ALG12: variants seen among roughly 807,000 people sequenced by gnomAD.
ALG12 encodes dol-P-Man:Man(7)GlcNAc(2)-PP-Dol alpha-1,6-mannosyltransferase.
A neutral mutation model predicts 46.0 loss-of-function variants in ALG12; 36 were observed. That is an observed-to-expected ratio of 0.78 (90% CI 0.60 to 1.03). The LOEUF (loss-of-function observed/expected upper bound fraction) is 1.03. Ranked by LOEUF, ALG12 falls within the 50% of genes least tolerant of loss-of-function variation. The pLI is 0.00. For missense variants in ALG12, 599 were observed against 633.5 expected (o/e 0.95, Z 0.58); for synonymous variants, 326 against 291.6 (o/e 1.12, Z -1.20).
At chr22:49,915,053 G>C (rs897319295) in intron 1 of ALG12, among the ~76,000 whole-genome samples, 1 of 152,248 alleles carries the variant, frequency 6.6e-6, no homozygotes, top group East Asian at 1.9e-4. Flanking sequence ...ATCAAACGGA[G>C]AGTTAAGAAG....
At chr22:49,909,223 T>C in intron 6 of ALG12, 21 bp downstream of exon 6, 1 of 1,612,960 alleles carries the variant, frequency 6.2e-7, no homozygotes, top group South Asian at 1.1e-5. Context: ...ATCGCCCTCC[T>C]GCACGGACAC....
the ALG12 span, among the ~76,000 whole-genome samples, chr22:49,891,249 G>C: frequency 6.6e-6 from 1 of 152,190 alleles, no homozygotes; most frequent in East Asian, 1.9e-4. Flanking sequence ...TCAAGGAAAT[G>C]CTTCAGGGTC....
chr22:49,909,377 G>A (rs370632311), intron 5 of ALG12, 30 bp from the exon 6 acceptor site: 19 of 1,599,278 alleles, frequency 1.2e-5, no homozygotes, highest in Middle Eastern at 1.7e-4. Flanking sequence ...TTTCTTAGTC[G>A]CAAACACAGC....
the ALG12 span, among the ~76,000 whole-genome samples, chr22:49,862,681 G>C: frequency 5.5e-3 from 680 of 123,456 alleles, 8 homozygotes; most frequent in African/African-American, 0.02. Flanking sequence ...CTAAATATTA[G>C]TTAAGTTTTT....
At chr22:49,895,034 G>T in the ALG12 span, among the ~76,000 whole-genome samples, 5 of 152,232 alleles carry the variant, frequency 3.3e-5, no homozygotes, top group Admixed American at 1.3e-4. Flanking sequence ...GCCGCTGGGG[G>T]CAGACAGGCT....
the ALG12 span, chr22:49,884,317 C>T: frequency 6.2e-7 from 1 of 1,613,862 alleles, no homozygotes; most frequent in African/African-American, 1.3e-5. Flanking sequence ...GATCCCGTCC[C>T]CCGATCGAAT....
intron 1 of ALG12, among the ~76,000 whole-genome samples, chr22:49,917,778 A>C (rs1202994947): frequency 6.7e-6 from 1 of 149,890 alleles, no homozygotes; most frequent in Admixed American, 6.7e-5. Context: ...TGAAATCCAG[A>C]CGCTGCACGT....
intron 6 of ALG12, among the ~76,000 whole-genome samples, chr22:49,908,546 A>C (rs1019897950): frequency 2.1e-5 from 3 of 141,130 alleles, no homozygotes; most frequent in Non-Finnish European, 4.6e-5. Context: ...AAAAAAAAAA[A>C]CCAAAAAACA....
the ALG12 span, among the ~76,000 whole-genome samples, chr22:49,860,805 G>C: frequency 1.4e-3 from 206 of 146,152 alleles, no homozygotes; most frequent in African/African-American, 5.1e-3. Context: ...TTGAGACAGA[G>C]TCTTGCTCTG....
At chr22:49,869,020 A>G in the ALG12 span, among the ~76,000 whole-genome samples, 1 of 151,124 alleles carries the variant, frequency 6.6e-6, no homozygotes, top group African/African-American at 2.4e-5. Context: ...GCTGCTTGTG[A>G]GACTGAGGCA....
downstream of ALG12, among the ~76,000 whole-genome samples, chr22:49,896,639 T>A (rs2060484418): frequency 6.6e-6 from 1 of 152,246 alleles, no homozygotes; most frequent in Non-Finnish European, 1.5e-5. Context: ...TTTTTTATTA[T>A]TTTTTATTTA....
chr22:49,884,603 G>C, the ALG12 span: 2 of 1,612,596 alleles, frequency 1.2e-6, no homozygotes, highest in Non-Finnish European at 8.5e-7. Flanking sequence ...AACGAGTTCA[G>C]CCGGGGGAAG....
the ALG12 span, among the ~76,000 whole-genome samples, chr22:49,872,351 G>A: frequency 4.6e-5 from 7 of 152,018 alleles, no homozygotes; most frequent in Middle Eastern, 3.2e-3. Context: ...CAGCAATTCC[G>A]CCGTATCTTT....
the ALG12 span, chr22:49,888,586 A>G: frequency 6.0e-6 from 1 of 167,274 alleles, no homozygotes; most frequent in Admixed American, 6.5e-5. Flanking sequence ...GTGGAGATGT[A>G]ATTCTTACAA....
the ALG12 span, chr22:49,887,248 A>G: frequency 2.7e-6 from 4 of 1,500,608 alleles, no homozygotes; most frequent in Non-Finnish European, 3.6e-6. Context: ...CAGGTCTATG[A>G]CCCGCTCTGC....
At chr22:49,869,329 G>A in the ALG12 span, among the ~76,000 whole-genome samples, 204 of 152,234 alleles carry the variant, frequency 1.3e-3, 2 homozygotes, top group African/African-American at 4.1e-3. Context: ...GTGAGTGCAC[G>A]GCTGCCTACC....
At chr22:49,876,207 G>T in the ALG12 span, among the ~76,000 whole-genome samples, 1 of 152,154 alleles carries the variant, frequency 6.6e-6, no homozygotes, top group African/African-American at 2.4e-5. Context: ...AGAAGAGTCT[G>T]TCTTGGTGAA....
chr22:49,885,993 C>T, the ALG12 span: 11 of 693,418 alleles, frequency 1.6e-5, no homozygotes, highest in South Asian at 5.0e-5. Flanking sequence ...AGGTGGACTG[C>T]GACTACAGTG....
At chr22:49,875,941 TTTC>T in the ALG12 span, among the ~76,000 whole-genome samples, 1 of 77,902 alleles carries the variant, frequency 1.3e-5, no homozygotes, top group Non-Finnish European at 4.1e-5. Flanking sequence ...ATTGATTTTT[TTTC>T]TTTTTTTTTT....
Sources: allele counts gnomAD v4.1 joint callset (sites outside exome capture counted in the v4.1 genomes callset), GRCh38; gene constraint gnomAD v4.1.1; transcripts MANE v1.5; gene names NCBI Gene and HGNC (gene_info 2026-07-23, HGNC 2026-07-21).